Variants in MIGA1 observed in about 807,000 individuals in gnomAD.
MIGA1 encodes family with sequence similarity 73, member A.
In MIGA1, 58 loss-of-function variants were observed where a neutral mutation model predicts 82.0. The ratio of observed to expected loss-of-function variants is 0.71; its 90% CI spans 0.57 to 0.88. The LOEUF (loss-of-function observed/expected upper bound fraction) is 0.88, where lower values mean the gene tolerates loss of function less well. Among genes scored for constraint, MIGA1 ranks in the 40% least tolerant of loss-of-function variants. The probability of loss-of-function intolerance (pLI) is 0.00; values close to 1 mark genes in which losing one functional copy is unlikely to be tolerated. For missense variants in MIGA1, 751 were observed against 749.1 expected, an observed-to-expected ratio of 1.00 and a Z score of -0.03; for synonymous variants, 249 against 253.6, an observed-to-expected ratio of 0.98 and a Z score of 0.17.
intron 6 of MIGA1, 29 bp from the exon 7 acceptor site, chr1:77,815,079 T>C: frequency 1.4e-6 from 2 of 1,410,128 alleles, no homozygotes; most frequent in Non-Finnish European, 1.9e-6. Context: ...GAATTTAATT[T>C]GTTCTGTGTA....
rs1682994476 is a variant in MIGA1 at position 77,804,072 on chromosome 1, T to A, written c.510+666T>A. Among the ~76,000 whole-genome samples, 3 of 152,258 alleles carry A rather than the reference T, an allele frequency of 2.0e-5. No homozygotes were observed. The South Asian group carries it at 6.2e-4, about 32-fold the overall frequency. Reference sequence around the variant, plus strand: ...CTATATATCCACAAAAATCAAAAATTAAAATTAAAAAGAGTTATTAATTTA... The same window carrying A: ...CTATATATCCACAAAAATCAAAAATAAAAATTAAAAAGAGTTATTAATTTA... On this transcript the variant is annotated intron_variant, in intron 4 of 15. Transcript: ENST00000370791.
chr1:77,845,555 G>C (rs1394332947), intron 8 of MIGA1, among the ~76,000 whole-genome samples: 1 of 152,056 alleles, frequency 6.6e-6, no homozygotes, highest in African/African-American at 2.4e-5. Context: ...ACATGAAAAG[G>C]ACTTACTATT....
At chr1:77,820,101 T>A (rs1178097712) in intron 7 of MIGA1, among the ~76,000 whole-genome samples, 1 of 150,908 alleles carries the variant, frequency 6.6e-6, no homozygotes, top group East Asian at 1.9e-4. Flanking sequence ...TGCTTTTGTG[T>A]AGATCTTTTT....
At chr1:77,838,347 T>A (rs565620819) in intron 7 of MIGA1, among the ~76,000 whole-genome samples, 9 of 148,814 alleles carry the variant, frequency 6.0e-5, no homozygotes, top group Non-Finnish European at 8.9e-5. Flanking sequence ...TTTATTTATT[T>A]ATTATTTATT....
At chr1:77,798,385 A>G (rs1044775834) in intron 2 of MIGA1, among the ~76,000 whole-genome samples, 2 of 152,232 alleles carry the variant, frequency 1.3e-5, no homozygotes. Context: ...GGTTTAATGG[A>G]CTCACAGTTC....
At chr1:77,848,892 G>A (rs1430896075) in intron 8 of MIGA1, 5 of 642,788 alleles carry the variant, frequency 7.8e-6, no homozygotes, top group Non-Finnish European at 1.2e-5. Flanking sequence ...TGTGTTACCA[G>A]TAGTTTGGAG....
At chr1:77,871,329 C>T (rs1363866783) in intron 14 of MIGA1, among the ~76,000 whole-genome samples, 1 of 151,962 alleles carries the variant, frequency 6.6e-6, no homozygotes, top group Admixed American at 6.6e-5. Context: ...TGGCGAAACC[C>T]CGTCTCTACT....
At chr1:77,858,074 G>C (rs1685330015) in intron 8 of MIGA1, among the ~76,000 whole-genome samples, 1 of 152,152 alleles carries the variant, frequency 6.6e-6, no homozygotes, top group South Asian at 2.1e-4. Context: ...TTGCTGGCCA[G>C]ACGCGGTGGC....
chr1:77,844,100 T>TA (rs140327554), intron 8 of MIGA1, among the ~76,000 whole-genome samples: 1,745 of 68,222 alleles, frequency 0.026, 27 homozygotes, highest in East Asian at 0.052. Flanking sequence ...GACCCTGTCT[T>TA]AAAAAAAAAA....
At position 77,806,962 on chromosome 1, in the gene MIGA1, A is replaced by G. The variant is rs778205940; in HGVS notation, c.511-13A>G. On this transcript the variant is annotated splice_polypyrimidine_tract_variant and intron_variant, in intron 4 of 15. Transcript: ENST00000370791. ...GAGAGATTTGAAGTAACTTCTATCCATCTTAATTTTAGGTCCAGAGTGTCA... is the reference window on the plus strand; with the variant it reads ...GAGAGATTTGAAGTAACTTCTATCCGTCTTAATTTTAGGTCCAGAGTGTCA... The G allele has an allele frequency of 4.4e-6, 7 of 1,597,918 alleles. No homozygotes were observed. In the Admixed American group the frequency reaches 6.9e-5, roughly 16 times the overall value.
intron 4 of MIGA1, among the ~76,000 whole-genome samples, chr1:77,805,179 T>C (rs544063244): frequency 1.3e-4 from 19 of 151,836 alleles, no homozygotes; most frequent in African/African-American, 4.1e-4. Context: ...TATTTTTTAG[T>C]AGAGACGGGG....
intron 14 of MIGA1, chr1:77,868,632 C>G (rs1685767799): frequency 6.6e-6 from 1 of 152,248 alleles, no homozygotes; most frequent in Admixed American, 6.5e-5. Flanking sequence ...TCTTACCCAT[C>G]ATTGAGCTCA....
intron 7 of MIGA1, among the ~76,000 whole-genome samples, chr1:77,831,613 C>G (rs1399138684): frequency 6.6e-6 from 1 of 152,166 alleles, no homozygotes; most frequent in Non-Finnish European, 1.5e-5. Flanking sequence ...CTACCAATCT[C>G]TAAAACCAGG....
rs945204721 is a variant in MIGA1, at chr1:77,848,028, A to G, written c.996+4621A>G. 4.7e-6 allele frequency: 6 copies of G among 1,268,636 alleles called. No homozygotes were observed. The African/African-American group carries it at 7.4e-5, about 16-fold the overall frequency. The allele number at this position is 1,268,636 out of a possible 1,614,324, so 78.6% of individuals were successfully genotyped here. A position where few individuals can be genotyped will look rare whatever the true frequency, so the allele number is the denominator to read the frequency against. ...GTCACCTAGTGAAGAAAGAGGGCACAGTGCCAGACACCACACGAAAGGATC... is the reference window on the plus strand; with the variant it reads ...GTCACCTAGTGAAGAAAGAGGGCACGGTGCCAGACACCACACGAAAGGATC... On this transcript the variant is annotated intron_variant, in intron 8 of 15. Transcript: ENST00000370791.
At position 77,869,747 on chromosome 1, in the gene MIGA1, C is replaced by A. The variant is rs1453347793; in HGVS notation, c.1564-3257C>A. Among the ~76,000 whole-genome samples, 9 of 118,500 alleles carry A rather than the reference C, an allele frequency of 7.6e-5. No individual in the cohort carries two copies. The East Asian group carries it at 8.7e-4, about 11-fold the overall frequency. The allele number at this position is 118,500 out of a possible 152,430, so 77.7% of individuals were successfully genotyped here. Reference sequence around the variant, plus strand: ...ACAGGGCGGCTGGCCGACCCCCCCCCCGCCTGCCTCCCGGACGGGGCGGCT... The same window carrying A: ...ACAGGGCGGCTGGCCGACCCCCCCCACGCCTGCCTCCCGGACGGGGCGGCT... On this transcript the variant is annotated intron_variant, in intron 14 of 15. Coordinates refer to ENST00000370791, the MANE Select transcript of MIGA1 (RefSeq NM_198549.4).
chr1:77,860,018 T>G (rs1176842853), intron 10 of MIGA1, 22 bp from the exon 11 acceptor site: 1 of 1,530,448 alleles, frequency 6.5e-7, no homozygotes, highest in Non-Finnish European at 9.0e-7. Context: ...TCTTTTTTCT[T>G]TGGGGATGAA....
At chr1:77,813,920 T>C (rs1484436664) in intron 6 of MIGA1, 53 bp downstream of exon 6, 2 of 1,591,198 alleles carry the variant, frequency 1.3e-6, no homozygotes, top group African/African-American at 2.7e-5. Flanking sequence ...ATCAAACTTT[T>C]TTTTTGTTTT....
chr1:77,858,206 G>C (rs1019930189), intron 8 of MIGA1, among the ~76,000 whole-genome samples: 1 of 152,082 alleles, frequency 6.6e-6, no homozygotes, highest in Admixed American at 6.5e-5. Context: ...AATTAGCTGG[G>C]TGTGGTGGTG....
In MIGA1 at chr1:77,873,875, C is replaced by T. The variant is rs77414564; in HGVS notation, c.1680+755C>T. On this transcript the variant is annotated intron_variant, in intron 15 of 15. Transcript: ENST00000370791. ...GTGTATTTTACTGTCATTCAGAACA[C>T]GTTGATTTTTGTAGTTTACTTGACC... is the stretch of plus-strand genomic sequence containing the variant. Among the ~76,000 whole-genome samples the T allele has an allele frequency of 3.9e-5, 6 of 152,092 alleles. No individual in the cohort carries two copies. The East Asian group carries it at 5.8e-4, about 15-fold the overall frequency.
Sources: allele counts gnomAD v4.1 joint callset (sites outside exome capture counted in the v4.1 genomes callset), GRCh38; gene constraint gnomAD v4.1.1; transcripts MANE v1.5; gene names NCBI Gene and HGNC (gene_info 2026-07-23, HGNC 2026-07-21).